RBM5: variants seen among roughly 807,000 people sequenced by gnomAD.
RBM5 encodes RNA binding motif protein 5.
Under a neutral mutation model 124.6 loss-of-function variants are expected in RBM5, and 15 were observed. That is an observed-to-expected ratio of 0.12 (90% CI 0.08 to 0.19). RBM5 has a LOEUF of 0.19. RBM5 is among the 10% of genes least tolerant of loss of function. The pLI is 1.00. For synonymous variants in RBM5, 337 were observed against 361.2 expected, an observed-to-expected ratio of 0.93 and a Z score of 0.76; for missense variants, 580 against 1,026.5, an observed-to-expected ratio of 0.57 and a Z score of 5.94.
At chr3:50,113,179 A>G (rs917220586) in intron 17 of RBM5, 3 of 436,368 alleles carry the variant, frequency 6.9e-6, no homozygotes, top group African/African-American at 2.1e-5. Context: ...TAAAGAAATC[A>G]TATTCTATTT....
chr3:50,105,250 TAC>T, intron 9 of RBM5, 108 bp downstream of exon 9: 1 of 922,690 alleles, frequency 1.1e-6, no homozygotes, highest in South Asian at 1.8e-5. Flanking sequence ...CTACTAAAAA[TAC>T]AAAAAATTAG....
intron 18 of RBM5, 120 bp downstream of exon 18, chr3:50,113,664 A>T (rs1288721391): frequency 8.5e-7 from 1 of 1,180,004 alleles, no homozygotes; most frequent in Admixed American, 3.1e-5. Flanking sequence ...CATTTTATTC[A>T]TACTAAGTTC....
At chr3:50,099,882 A>T in intron 4 of RBM5, 100 bp from the exon 5 acceptor site, 1 of 1,132,110 alleles carries the variant, frequency 8.8e-7, no homozygotes, top group Non-Finnish European at 1.2e-6. Flanking sequence ...CTTAAAAAAA[A>T]AAAAAACTTG....
intron 4 of RBM5, among the ~76,000 whole-genome samples, chr3:50,097,979 A>T (rs7648652): frequency 6.6e-6 from 1 of 152,068 alleles, no homozygotes; most frequent in African/African-American, 2.4e-5. Flanking sequence ...ATGCGCCTGT[A>T]GTCCCAGCTA....
intron 4 of RBM5, chr3:50,094,158 T>A: frequency 6.0e-6 from 1 of 165,722 alleles, no homozygotes; most frequent in Non-Finnish European, 1.3e-5. Context: ...TTTAAATAAT[T>A]TTTTTTTTTT....
intron 4 of RBM5, 152 bp downstream of exon 4, chr3:50,094,027 T>A: frequency 1.5e-6 from 1 of 655,406 alleles, no homozygotes; most frequent in Non-Finnish European, 2.4e-6. Flanking sequence ...TGTTTTGATA[T>A]TTTTTTTTAA....
At chr3:50,107,999 T>C in intron 12 of RBM5, 71 bp from the exon 13 acceptor site, 1 of 1,344,360 alleles carries the variant, frequency 7.4e-7, no homozygotes, top group Non-Finnish European at 1.1e-6. Context: ...TGAGCTCATT[T>C]TTAGGGACTT....
intron 17 of RBM5, chr3:50,111,001 G>A (rs1416944139): frequency 1.9e-6 from 1 of 513,538 alleles, no homozygotes. Flanking sequence ...AAACAGAAAT[G>A]TGCAATTCTT....
intron 1 of RBM5, among the ~76,000 whole-genome samples, chr3:50,089,513 ACGC>A (rs2090663155): frequency 6.6e-6 from 1 of 152,180 alleles, no homozygotes; most frequent in Non-Finnish European, 1.5e-5. Context: ...GCAGGCCGTG[ACGC>A]CGCCATCTCG....
At chr3:50,108,201 A>G (rs774137784) in intron 13 of RBM5, 31 bp from the exon 14 acceptor site, 2 of 1,604,940 alleles carry the variant, frequency 1.2e-6, no homozygotes, top group East Asian at 2.2e-5. Flanking sequence ...GTGTCTGAGA[A>G]TAGCAGCTTT....
Position 50,093,780 on chromosome 3 carries a change from T to C in RBM5, c.244T>C (p.Tyr82His), listed in dbSNP as rs1322885651. 1 of 1,613,994 alleles carries C rather than the reference T, an allele frequency of 6.2e-7. No individual in the cohort carries two copies. Among genetic ancestry groups the C allele is most frequent in the Non-Finnish European group, 8.5e-7 (1 of 1,179,936 alleles). The part of the protein sequence containing the change: ...SEDGYHSDGD[Y>H]GEHDYRHDIS... ...AGATGGCTACCATTCAGATGGTGAC[T>C]ATGGTGAGCACGACTATAGGCATGA... Residue 82 changes from tyrosine (Y) to histidine (H), a missense_variant, in exon 4 of 25, where the codon TAT becomes CAT. By Grantham distance (83) the Tyr-to-His change is moderately conservative. Around this residue, in one of 6 missense-constraint regions of RBM5, gnomAD observed 99 missense variants for 121.1 expected, o/e 0.82. Transcript: ENST00000347869.
At chr3:50,095,521 G>T (rs931869875) in intron 4 of RBM5, among the ~76,000 whole-genome samples, 5 of 151,946 alleles carry the variant, frequency 3.3e-5, no homozygotes, top group Admixed American at 3.3e-4. Flanking sequence ...ATTTCCAGCA[G>T]CATCTCTGGT....
intron 15 of RBM5, 72 bp from the exon 16 acceptor site, chr3:50,110,307 A>C: frequency 7.6e-7 from 1 of 1,324,318 alleles, no homozygotes; most frequent in Non-Finnish European, 1.1e-6. Context: ...TTCCTCCTGG[A>C]TGATTGCAGT....
chr3:50,095,266 TC>T (rs1344104320), intron 4 of RBM5, among the ~76,000 whole-genome samples: 1 of 152,206 alleles, frequency 6.6e-6, no homozygotes, highest in Non-Finnish European at 1.5e-5. Context: ...TTTCTAAATG[TC>T]TTTAACCACA....
At chr3:50,109,529 G>T in intron 14 of RBM5, 74 bp from the exon 15 acceptor site, 1 of 1,175,278 alleles carries the variant, frequency 8.5e-7, no homozygotes. Context: ...AGGCTAGATT[G>T]GGCATTACAA....
At chr3:50,105,870 T>A (rs1430417574) in intron 10 of RBM5, among the ~76,000 whole-genome samples, 161 bp downstream of exon 10, 1 of 152,192 alleles carries the variant, frequency 6.6e-6, no homozygotes. Context: ...ATGACTTCAG[T>A]AAGTAGTAAA....
rs566441117 is a variant in RBM5 at position 50,093,845 on chromosome 3, C to T, written c.309C>T (p.Arg103=). 1,103 of 1,612,822 alleles carry T rather than the reference C, an allele frequency of 6.8e-4. 15 individuals are homozygous for T. In the South Asian group the frequency reaches 0.012, roughly 17 times the overall value. The change falls in exon 4 of 25, where the codon CGC becomes CGT. Residue 103 remains arginine (R), a synonymous_variant. Transcript: ENST00000347869. ...GGGAGAGCAAGACCATCATGCTGCG[C>T]GGCCTTCCCATCACCATCACAGAGA... ...DERESKTIML[R]GLPITITESD...
intron 10 of RBM5, among the ~76,000 whole-genome samples, chr3:50,106,116 C>CTTTTT (rs1575321960): frequency 2.5e-5 from 2 of 78,838 alleles, no homozygotes; most frequent in East Asian, 2.9e-4. Flanking sequence ...CCACGCCCAG[C>CTTTTT]TATTTTTTTT....
chr3:50,114,615 T>C (rs535252252), intron 20 of RBM5: 29 of 201,274 alleles, frequency 1.4e-4, no homozygotes, highest in Non-Finnish European at 2.4e-4. Flanking sequence ...TTGGGATTTT[T>C]ATTTGTGGTC....
Sources: gnomAD v4.1 joint callset for allele counts (sites outside exome capture counted in the v4.1 genomes callset) on GRCh38, gnomAD v4.1.1 for gene constraint, gnomAD v4.1.1 regional missense constraint, MANE v1.5 for transcripts, NCBI Gene and HGNC (gene_info 2026-07-23, HGNC 2026-07-21) for gene names.